The following OR2L13 variants were observed in gnomAD, a reference collection of about 807,000 sequenced individuals.
The protein encoded by OR2L13 is olfactory receptor 2L13.
In OR2L13, 14 loss-of-function variants were observed where a neutral mutation model predicts 15.3. That is an observed-to-expected ratio of 0.91 (90% CI 0.60 to 1.43). The LOEUF (loss-of-function observed/expected upper bound fraction) is 1.43. Among genes scored for constraint, OR2L13 ranks in the 40% most tolerant of loss-of-function variants. OR2L13 has a pLI of 0.00. For missense variants in OR2L13, 367 were observed against 387.9 expected, an observed-to-expected ratio of 0.95 and a Z score of 0.45; for synonymous variants, 152 against 142.9, an observed-to-expected ratio of 1.06 and a Z score of -0.45.
chr1:248,099,685 C>T (rs139680732), exon 3 of OR2L13: 727 of 1,614,016 alleles, frequency 4.5e-4, no homozygotes, highest in Non-Finnish European at 6.0e-4. Flanking sequence ...CTTCTTCTTC[C>T]TGACCATGGC....
chr1:248,069,358 C>A, the OR2L13 span, among the ~76,000 whole-genome samples: 12 of 152,272 alleles, frequency 7.9e-5, no homozygotes, highest in South Asian at 2.3e-3. Flanking sequence ...CCCAGAATTT[C>A]ATATCCAGCC....
At chr1:247,964,924 T>C in the OR2L13 span, among the ~76,000 whole-genome samples, 1 of 149,298 alleles carries the variant, frequency 6.7e-6, no homozygotes, top group Non-Finnish European at 1.5e-5. Context: ...GAGTAATATG[T>C]TTATAGATAC....
the OR2L13 span, among the ~76,000 whole-genome samples, chr1:248,050,124 C>T: frequency 6.6e-6 from 1 of 152,112 alleles, no homozygotes; most frequent in East Asian, 1.9e-4. Flanking sequence ...TCCCTCCTGC[C>T]TTTCACATGA....
At chr1:248,097,443 A>G (rs1664763265) in intron 1 of OR2L13, 3 of 152,366 alleles carry the variant, frequency 2.0e-5, no homozygotes, top group Middle Eastern at 3.4e-3. Context: ...CAATGGAAAT[A>G]GATCCTAAAC....
At chr1:248,038,759 T>C in the OR2L13 span, 2 of 1,614,084 alleles carry the variant, frequency 1.2e-6, no homozygotes, top group South Asian at 2.2e-5. Context: ...ATGCACTCTG[T>C]ATCCCATATT....
chr1:248,008,632 A>G, the OR2L13 span, among the ~76,000 whole-genome samples: 1 of 152,174 alleles, frequency 6.6e-6, no homozygotes, highest in Admixed American at 6.6e-5. Flanking sequence ...GATCACTGAG[A>G]CAGAAAATTA....
At chr1:248,015,069 A>G in the OR2L13 span, among the ~76,000 whole-genome samples, 1 of 152,154 alleles carries the variant, frequency 6.6e-6, no homozygotes, top group Non-Finnish European at 1.5e-5. Flanking sequence ...CGTGGACCTC[A>G]ATGGTAGGTT....
chr1:247,970,054 A>G, the OR2L13 span, among the ~76,000 whole-genome samples: 1 of 152,202 alleles, frequency 6.6e-6, no homozygotes, highest in Non-Finnish European at 1.5e-5. Context: ...ACAGCATTGT[A>G]ATAACCTGCC....
At chr1:247,985,210 TC>T in the OR2L13 span, among the ~76,000 whole-genome samples, 1 of 152,140 alleles carries the variant, frequency 6.6e-6, no homozygotes, top group South Asian at 2.1e-4. Flanking sequence ...CATCAACTCA[TC>T]ATTTAACATT....
At chr1:248,005,288 C>T in the OR2L13 span, among the ~76,000 whole-genome samples, 85 of 152,150 alleles carry the variant, frequency 5.6e-4, no homozygotes, top group African/African-American at 2.0e-3. Flanking sequence ...ATCAAAACAT[C>T]ACATACCCTC....
At chr1:247,990,362 C>A in the OR2L13 span, 4 of 1,546,776 alleles carry the variant, frequency 2.6e-6, no homozygotes, top group South Asian at 3.3e-5. Flanking sequence ...TCATTAATTT[C>A]GTTTTCCTAA....
the OR2L13 span, chr1:248,084,171 A>C: frequency 6.2e-7 from 1 of 1,611,734 alleles, no homozygotes; most frequent in Non-Finnish European, 8.5e-7. Flanking sequence ...CGACATGGTC[A>C]TCCTCAGGCA....
the OR2L13 span, among the ~76,000 whole-genome samples, chr1:248,063,795 T>C: frequency 2.7e-4 from 1 of 3,720 alleles, no homozygotes; most frequent in African/African-American, 2.8e-4. Flanking sequence ...GATGTGTGCG[T>C]GTGTGTGTGT....
the OR2L13 span, chr1:247,948,810 G>T: frequency 6.7e-7 from 1 of 1,492,290 alleles, no homozygotes; most frequent in Non-Finnish European, 9.1e-7. Context: ...ATTACTGTAC[G>T]TAAATTACTC....
chr1:248,084,846 G>A, the OR2L13 span, among the ~76,000 whole-genome samples: 1 of 152,084 alleles, frequency 6.6e-6, no homozygotes, highest in Non-Finnish European at 1.5e-5. Context: ...CAAACACACA[G>A]TAACACTAGC....
At chr1:247,995,253 T>C in the OR2L13 span, among the ~76,000 whole-genome samples, 1 of 152,248 alleles carries the variant, frequency 6.6e-6, no homozygotes, top group Non-Finnish European at 1.5e-5. Context: ...AACTCTATCT[T>C]TCCCTTCCAC....
At chr1:248,025,484 C>T in the OR2L13 span, among the ~76,000 whole-genome samples, 1 of 149,200 alleles carries the variant, frequency 6.7e-6, no homozygotes, top group African/African-American at 2.6e-5. Flanking sequence ...AATAGGAACA[C>T]TTTTACACTG....
the OR2L13 span, among the ~76,000 whole-genome samples, chr1:248,026,045 A>G: frequency 6.6e-6 from 1 of 152,182 alleles, no homozygotes; most frequent in African/African-American, 2.4e-5. Flanking sequence ...ACATGTATAC[A>G]TATGTAACTA....
the OR2L13 span, among the ~76,000 whole-genome samples, chr1:248,009,919 TG>T: frequency 6.6e-6 from 1 of 152,102 alleles, no homozygotes; most frequent in Non-Finnish European, 1.5e-5. Context: ...CAAAACCATA[TG>T]ATTATTTCAA....
Sources: allele counts gnomAD v4.1 joint callset (sites outside exome capture counted in the v4.1 genomes callset), GRCh38; gene constraint gnomAD v4.1.1; transcripts MANE v1.5; gene names NCBI Gene and HGNC (gene_info 2026-07-23, HGNC 2026-07-21).